LOXHD1: variants seen among roughly 807,000 people sequenced by gnomAD.
LOXHD1 encodes lipoxygenase homology PLAT domains 1.
A neutral mutation model predicts 248.2 loss-of-function variants in LOXHD1; 205 were observed. The observed-to-expected ratio is 0.83, with a 90% confidence interval of 0.74 to 0.93. The LOEUF is 0.93. Among genes scored for constraint, LOXHD1 ranks in the 40% least tolerant of loss-of-function variants. The pLI is 0.00. For missense variants in LOXHD1, 2,930 were observed against 2,971.6 expected, an observed-to-expected ratio of 0.99 and a Z score of 0.33; for synonymous variants, 1,113 against 1,162.8, an observed-to-expected ratio of 0.96 and a Z score of 0.87.
chr18:46,623,846 A>T (rs935031999), intron 4 of LOXHD1, among the ~76,000 whole-genome samples: 4 of 152,244 alleles, frequency 2.6e-5, no homozygotes, highest in African/African-American at 9.6e-5. Flanking sequence ...CCATGCAGAG[A>T]GGCAGAGCCA....
intron 8 of LOXHD1, among the ~76,000 whole-genome samples, chr18:46,596,269 T>C (rs1158147782): frequency 1.3e-5 from 2 of 152,158 alleles, no homozygotes; most frequent in Non-Finnish European, 2.9e-5. Context: ...AAAATAGCCA[T>C]ATGTTACATA....
chr18:46,630,503 A>G (rs542326803), intron 4 of LOXHD1, among the ~76,000 whole-genome samples: 35 of 152,346 alleles, frequency 2.3e-4, no homozygotes, highest in African/African-American at 8.4e-4. Context: ...AGCTCCTTCA[A>G]GACCCAATAT....
intron 37 of LOXHD1, among the ~76,000 whole-genome samples, chr18:46,496,384 G>A (rs1399874642): frequency 6.6e-6 from 1 of 152,226 alleles, no homozygotes; most frequent in Non-Finnish European, 1.5e-5. Flanking sequence ...TACACTTTAA[G>A]TTAACTAAGC....
At chr18:46,530,341 C>T (rs76230862) in intron 28 of LOXHD1, among the ~76,000 whole-genome samples, 1,937 of 152,276 alleles carry the variant, frequency 0.013, 44 homozygotes, top group African/African-American at 0.044. Context: ...AGGGAAGTGA[C>T]AGCTGGGCTT....
chr18:46,571,338 T>C (rs1232663382), intron 15 of LOXHD1, among the ~76,000 whole-genome samples: 2 of 152,066 alleles, frequency 1.3e-5, no homozygotes, highest in Non-Finnish European at 2.9e-5. Context: ...GGTGTGGTGA[T>C]GTACACCTAT....
Position 46,544,995 on chromosome 18 carries a change from C to CAACT in LOXHD1, c.3619+318_3619+321dup, listed in dbSNP as rs533353089. ...GAGTACCTGAGCAAAGGCTCCTGAACAACTCTACAATGCCTGGAGTGCCTC... is the reference window on the plus strand; with the variant it reads ...GAGTACCTGAGCAAAGGCTCCTGAACAACTAACTCTACAATGCCTGGAGTGCCTC... On this transcript the variant is annotated intron_variant, in intron 23 of 40. Transcript: ENST00000642948. The CAACT allele has an allele frequency of 5.3e-4, 258 of 488,846 alleles. 1 individual carries two copies. Among genetic ancestry groups the CAACT allele is most frequent in the Non-Finnish European group, 8.8e-4 (214 of 241,844 alleles). 30.3% of individuals were successfully genotyped at this position (488,846 alleles called of 1,614,324 possible). A position where few individuals can be genotyped will look rare whatever the true frequency, so the allele number is the denominator to read the frequency against.
In LOXHD1 at chr18:46,477,462, C is replaced by T. The variant is rs2032097141; in HGVS notation, c.*10G>A. On this transcript the variant is annotated 3_prime_UTR_variant, in exon 41 of 41. Coordinates refer to ENST00000642948, the MANE Select transcript of LOXHD1 (RefSeq NM_001384474.1). ...GGGCATCTCAGTGAGAGGGTGGGGG[C>T]CCTAGCCCCTCAGACAGAAGGGAAG... is the stretch of plus-strand genomic sequence containing the variant. 6.5e-7 allele frequency: 1 copy of T among 1,542,904 alleles called. No individual in the cohort carries two copies. The highest frequency in any genetic ancestry group is 2.5e-5 in the East Asian group (1 of 40,726).
At chr18:46,589,771 G>A (rs868124842) in intron 12 of LOXHD1, among the ~76,000 whole-genome samples, 8 of 152,124 alleles carry the variant, frequency 5.3e-5, no homozygotes, top group African/African-American at 1.9e-4. Context: ...AACTCAGAAT[G>A]TATTTGTAGA....
In LOXHD1 at chr18:46,641,867, A is replaced by C. The variant is rs116363073; in HGVS notation, c.326+89T>G. On this transcript the variant is annotated intron_variant, in intron 3 of 40. Coordinates refer to ENST00000642948, the MANE Select transcript of LOXHD1 (RefSeq NM_001384474.1). The stretch of plus-strand genomic sequence containing the variant: ...GTAGCCCCTCAAATAACATCTGGGA[A>C]GTAATTCATACCCAGAAATTGTCAA... 3.1e-3 allele frequency: 4,031 copies of C among 1,284,128 alleles called. 92 individuals are homozygous for C. In the African/African-American group the frequency reaches 0.049, roughly 15 times the overall value. The allele number at this position is 1,284,128 out of a possible 1,614,324, so 79.5% of individuals were successfully genotyped here.
intron 28 of LOXHD1, among the ~76,000 whole-genome samples, chr18:46,529,794 C>T (rs186120404): frequency 1.5e-4 from 23 of 152,162 alleles, no homozygotes; most frequent in East Asian, 1.2e-3. Context: ...TTGTAAAGAA[C>T]AGTTTCCCCT....
At chr18:46,618,133 C>T in intron 5 of LOXHD1, 59 bp downstream of exon 5, 1 of 1,280,838 alleles carries the variant, frequency 7.8e-7, no homozygotes, top group Non-Finnish European at 1.1e-6. Flanking sequence ...ATTGTGGGAA[C>T]CCCATCTACA....
Position 46,534,353 on chromosome 18 carries a change from C to G in LOXHD1, c.4194G>C (p.Arg1398Ser). Residue 1398 changes from arginine (R) to serine (S), a missense_variant, in exon 27 of 41, where the codon AGG becomes AGC. By Grantham distance (110) the Arg-to-Ser change is moderately radical. Coordinates refer to ENST00000642948, the MANE Select transcript of LOXHD1 (RefSeq NM_001384474.1). Reference sequence around the variant, plus strand: ...AACTCACGTCTTTATCCGGGAGGAGCCTGCGGATGTCCACGTGAGAGCAGT... The same window carrying G: ...AACTCACGTCTTTATCCGGGAGGAGGCTGCGGATGTCCACGTGAGAGCAGT... ...GWHCSHVDIR[R>S]LLPDKDGAET... is the part of the protein sequence containing the mutation. 1 of 1,551,360 alleles carries G rather than the reference C, an allele frequency of 6.4e-7. No individual in the cohort carries two copies.
chr18:46,503,196 T>G (rs946844568), intron 37 of LOXHD1, among the ~76,000 whole-genome samples: 1 of 152,142 alleles, frequency 6.6e-6, no homozygotes, highest in African/African-American at 2.4e-5. Flanking sequence ...ACAGACATAA[T>G]GTACTTCTTT....
intron 13 of LOXHD1, among the ~76,000 whole-genome samples, chr18:46,579,307 G>C (rs1041185671): frequency 4.6e-5 from 7 of 152,298 alleles, no homozygotes; most frequent in African/African-American, 1.7e-4. Flanking sequence ...CAAAGCTCAG[G>C]GGTGGGGGAG....
intron 4 of LOXHD1, among the ~76,000 whole-genome samples, chr18:46,621,704 G>A (rs2038671192): frequency 6.6e-6 from 1 of 152,072 alleles, no homozygotes; most frequent in Non-Finnish European, 1.5e-5. Flanking sequence ...CCTGGCAACT[G>A]GGCACTGACC....
rs531720069 is a variant in LOXHD1 at position 46,601,937 on chromosome 18, CAT to C, written c.884-472_884-471del. 5.3e-5 allele frequency among the ~76,000 whole-genome samples: 8 copies of C among 152,266 alleles called. No individual in the cohort carries two copies. The East Asian group carries it at 1.5e-3, about 29-fold the overall frequency. On this transcript the variant is annotated intron_variant, in intron 7 of 40. Coordinates refer to ENST00000642948, the MANE Select transcript of LOXHD1 (RefSeq NM_001384474.1). ...TGCTCTTTTGCTGATAACTTAAAAA[CAT>C]AACTTTTAATAGAGGACATTAATGT... is the stretch of plus-strand genomic sequence containing the variant.
intron 37 of LOXHD1, among the ~76,000 whole-genome samples, chr18:46,503,451 A>G (rs1373849215): frequency 1.3e-5 from 2 of 152,156 alleles, no homozygotes; most frequent in East Asian, 3.9e-4. Flanking sequence ...CTACGTGATC[A>G]CTGTTGAGTG....
intron 22 of LOXHD1, among the ~76,000 whole-genome samples, chr18:46,546,476 C>CTCTACT (rs1458177388): frequency 1.4e-5 from 2 of 140,984 alleles, no homozygotes; most frequent in East Asian, 4.2e-4. Context: ...TCCATTCCAA[C>CTCTACT]CCATCACATT....
In LOXHD1 at chr18:46,478,340, C is replaced by A. The variant is rs1294206783; in HGVS notation, c.6342-388G>T. ...CTGGGATTACAGGCGTGAGCCACTG[C>A]GCCTGGCCGACCCTATTTTTAAGAT... is the stretch of plus-strand genomic sequence containing the variant. On this transcript the variant is annotated intron_variant, in intron 40 of 40. Coordinates refer to ENST00000642948, the MANE Select transcript of LOXHD1 (RefSeq NM_001384474.1). Among the ~76,000 whole-genome samples, 6 of 152,068 alleles carry A rather than the reference C, an allele frequency of 3.9e-5. No individual in the cohort carries two copies. The East Asian group carries it at 9.7e-4, about 25-fold the overall frequency.
Sources: gnomAD v4.1 joint callset for allele counts (sites outside exome capture counted in the v4.1 genomes callset) on GRCh38, gnomAD v4.1.1 for gene constraint, MANE v1.5 for transcripts, NCBI Gene and HGNC (gene_info 2026-07-23, HGNC 2026-07-21) for gene names.